TMEM175: variants seen among roughly 807,000 people sequenced by gnomAD.
The protein encoded by TMEM175 is transmembrane protein 175.
A neutral mutation model predicts 36.5 loss-of-function variants in TMEM175; 36 were observed. That is an observed-to-expected ratio of 0.99 (90% CI 0.76 to 1.30). The LOEUF is 1.30. Ranked by LOEUF, TMEM175 falls within the 50% of genes most tolerant of loss-of-function variation. TMEM175 has a pLI of 0.00. For synonymous variants in TMEM175, 339 were observed against 313.4 expected (o/e 1.08, Z -0.86); for missense variants, 705 against 692.8 (o/e 1.02, Z -0.20).
intron 8 of TMEM175, 56 bp downstream of exon 8, chr4:953,410 C>T: frequency 1.3e-6 from 2 of 1,539,036 alleles, no homozygotes; most frequent in Non-Finnish European, 1.8e-6. Context: ...ACCATAGGAG[C>T]AATGTCCCCG....
chr4:954,178 G>A (rs931612363), intron 8 of TMEM175, among the ~76,000 whole-genome samples: 1 of 151,732 alleles, frequency 6.6e-6, no homozygotes. Flanking sequence ...TAGTAGACAC[G>A]GGGTTTCACC....
chr4:945,597 A>G (rs183472752), intron 1 of TMEM175, among the ~76,000 whole-genome samples: 80 of 151,178 alleles, frequency 5.3e-4, no homozygotes, highest in Middle Eastern at 3.4e-3. Flanking sequence ...TCTGGGGTGA[A>G]CTCTCCTTGT....
rs774685457 is a variant in TMEM175, at chr4:953,333, C to G, written c.606C>G (p.Phe202Leu). 2.5e-6 allele frequency: 4 copies of G among 1,613,106 alleles called. 1 individual carries two copies. The Middle Eastern group carries it at 5.0e-4, about 200-fold the overall frequency. The change falls in exon 8 of 11, where the codon TTC (phenylalanine) becomes TTG (leucine). Residue 202 changes from phenylalanine (F) to leucine (L), a missense_variant. Transcript: ENST00000264771. ...GPALCFAAAI[F>L]SLFFVPLSYL... ...CCCTGTGCTTTGCAGCGGCCATCTTCTCTCTCTTCTTTGTCCCCTTGGTGA... is the reference window on the plus strand; with the variant it reads ...CCCTGTGCTTTGCAGCGGCCATCTTGTCTCTCTTCTTTGTCCCCTTGGTGA...
intron 1 of TMEM175, chr4:945,922 C>T (rs1449410273): frequency 6.6e-6 from 1 of 152,272 alleles, no homozygotes; most frequent in African/African-American, 2.4e-5. Context: ...ACAGAAATTA[C>T]TTCTGTTTCT....
rs1169111941 is a variant in TMEM175, at chr4:955,501, G to C, written c.706+18G>C. On this transcript the variant is annotated intron_variant, in intron 9 of 10. Transcript: ENST00000264771. ...GCTCCTGGGTAGGTGATGACTGGGT[G>C]GGCTGGCCTGAGAGGCCTGTAGTCC... 1.6e-5 allele frequency: 26 copies of C among 1,612,152 alleles called. No homozygotes were observed. Among genetic ancestry groups the C allele is most frequent in the Non-Finnish European group, 2.1e-5 (25 of 1,178,728 alleles).
intron 1 of TMEM175, among the ~76,000 whole-genome samples, chr4:941,965 A>T (rs1727569832): frequency 2.0e-5 from 3 of 152,028 alleles, no homozygotes; most frequent in African/African-American, 7.2e-5. Flanking sequence ...ATCTTCCAAG[A>T]GTTTTATAGT....
intron 3 of TMEM175, chr4:948,370 G>A: frequency 3.3e-6 from 5 of 1,532,844 alleles, no homozygotes; most frequent in South Asian, 1.2e-5. Context: ...CTCCTGGGAG[G>A]GTGGGAGACT....
At chr4:951,789 C>G in intron 6 of TMEM175, 72 bp downstream of exon 6, 1 of 1,527,990 alleles carries the variant, frequency 6.5e-7, no homozygotes, top group South Asian at 1.1e-5. Context: ...TCCTCAAAAG[C>G]AGACCAGCTG....
In TMEM175 at chr4:940,434, G is replaced by C. The variant is rs1055740239; in HGVS notation, c.-31-7275G>C. On this transcript the variant is annotated intron_variant, in intron 1 of 10. Coordinates refer to ENST00000264771, the MANE Select transcript of TMEM175 (RefSeq NM_032326.4). ...TTGCACTCCAGCCTGGGCAGCAAGA[G>C]TGAAACTCGATCTCAAAAAAAAAAA... 5.6e-5 allele frequency among the ~76,000 whole-genome samples: 7 copies of C among 124,530 alleles called. No homozygotes were observed. The South Asian group carries it at 2.2e-3, about 38-fold the overall frequency. 81.7% of individuals were successfully genotyped at this position (124,530 alleles called of 152,430 possible).
rs929068545 is a variant in TMEM175 at position 948,576 on chromosome 4, C to T, written c.192+422C>T. 15 of 1,317,106 alleles carry T rather than the reference C, an allele frequency of 1.1e-5. No homozygotes were observed. In the Admixed American group the frequency reaches 2.9e-4, roughly 26 times the overall value. 81.6% of individuals were successfully genotyped at this position (1,317,106 alleles called of 1,614,324 possible). On this transcript the variant is annotated intron_variant, in intron 3 of 10. Coordinates refer to ENST00000264771, the MANE Select transcript of TMEM175 (RefSeq NM_032326.4). ...AAACGCGGCCAGCGCCCCGTCTCAG[C>T]GGGGACACTCCCACCCCGGCTGCTC...
chr4:958,413 G>C lies in TMEM175; in HGVS notation c.1432G>C (p.Gly478Arg), dbSNP rs1490050501. 6.3e-7 allele frequency: 1 copy of C among 1,597,654 alleles called. No individual in the cohort carries two copies. The highest frequency in any genetic ancestry group is 1.3e-5 in the African/African-American group (1 of 74,800). ...LALATLRVLR[G>R]LARPEHPPPA... ...CCTGGCCACCCTGCGGGTCCTGCGG[G>C]GCCTCGCCCGGCCCGAACACCCCCC... The change falls in exon 11 of 11, where the codon GGC (glycine) becomes CGC (arginine). Residue 478 changes from glycine to arginine, a missense_variant. Physicochemically the swap from Gly to Arg is moderately radical, Grantham distance 125 (BLOSUM62 -2). Transcript: ENST00000264771.
At chr4:933,723 A>C (rs1726409994) in intron 1 of TMEM175, among the ~76,000 whole-genome samples, 1 of 152,176 alleles carries the variant, frequency 6.6e-6, no homozygotes, top group South Asian at 2.1e-4. Flanking sequence ...TTTGTTCTCC[A>C]ACTCAAAAAT....
At chr4:948,315 A>G in intron 3 of TMEM175, 161 bp downstream of exon 3, 2 of 1,548,102 alleles carry the variant, frequency 1.3e-6, no homozygotes, top group Non-Finnish European at 1.7e-6. Context: ...GGAGGGAGCC[A>G]ACAAGTCCTG....
At chr4:955,587 T>TG (rs1729512252) in intron 9 of TMEM175, 104 bp downstream of exon 9, 9 of 1,434,566 alleles carry the variant, frequency 6.3e-6, no homozygotes, top group Non-Finnish European at 7.7e-6. Flanking sequence ...CCCGTGTGCG[T>TG]GGTGGTGGCT....
intron 7 of TMEM175, 74 bp downstream of exon 7, chr4:952,524 C>T: frequency 7.4e-7 from 1 of 1,359,794 alleles, no homozygotes; most frequent in Non-Finnish European, 9.9e-7. Flanking sequence ...GTGTGATCAC[C>T]ATCGGGGTCG....
chr4:952,257 C>A, intron 6 of TMEM175, 110 bp from the exon 7 acceptor site: 2 of 959,886 alleles, frequency 2.1e-6, no homozygotes, highest in South Asian at 1.4e-5. Context: ...GGCCCCACCG[C>A]ATCTCCCAGC....
At chr4:954,989 G>A (rs915765150) in intron 8 of TMEM175, among the ~76,000 whole-genome samples, 9 of 152,116 alleles carry the variant, frequency 5.9e-5, no homozygotes, top group African/African-American at 9.7e-5. Context: ...GGAGATAGAC[G>A]ATAAATTTTA....
intron 1 of TMEM175, among the ~76,000 whole-genome samples, chr4:936,218 G>A (rs1726758687): frequency 6.6e-6 from 1 of 151,686 alleles, no homozygotes; most frequent in African/African-American, 2.4e-5. Flanking sequence ...GCCTGTGCAC[G>A]CCTGTAGTTC....
intron 10 of TMEM175, chr4:956,447 T>C: frequency 8.3e-7 from 1 of 1,211,304 alleles, no homozygotes; most frequent in Non-Finnish European, 1.1e-6. Flanking sequence ...TGTGGGGTTT[T>C]TTTTTTTTTT....
Sources: gnomAD v4.1 joint callset for allele counts (sites outside exome capture counted in the v4.1 genomes callset) on GRCh38, gnomAD v4.1.1 for gene constraint, MANE v1.5 for transcripts, NCBI Gene and HGNC (gene_info 2026-07-23, HGNC 2026-07-21) for gene names.